Variants in EXT1 observed in about 807,000 individuals in gnomAD.
The protein encoded by EXT1 is exostosin-1.
EXT1 carries 20 observed loss-of-function variants against 82.5 expected under a neutral mutation model. The observed-to-expected ratio is 0.24, with a 90% CI of 0.17 to 0.35. The LOEUF is 0.35. Among genes scored for constraint, EXT1 ranks in the 10% least tolerant of loss-of-function variants. The probability of loss-of-function intolerance (pLI) is 1.00; values close to 1 mark genes in which losing one functional copy is unlikely to be tolerated. For synonymous variants in EXT1, 348 were observed against 350.8 expected, an observed-to-expected ratio of 0.99 and a Z score of 0.09; for missense variants, 757 against 936.5, an observed-to-expected ratio of 0.81 and a Z score of 2.50.
At chr8:117,902,522 T>C (rs1370150839) in intron 1 of EXT1, among the ~76,000 whole-genome samples, 2 of 152,228 alleles carry the variant, frequency 1.3e-5, no homozygotes, top group Admixed American at 6.5e-5. Context: ...CTCAGTTCCA[T>C]TAAGATCTTA....
At chr8:117,880,594 C>CTTTT (rs58814828) in intron 1 of EXT1, among the ~76,000 whole-genome samples, 2 of 142,554 alleles carry the variant, frequency 1.4e-5, no homozygotes, top group African/African-American at 2.6e-5. Flanking sequence ...CCTCTTTTTT[C>CTTTT]TTTTTTTTTT....
At chr8:117,833,599 A>G (rs555381382) in intron 3 of EXT1, among the ~76,000 whole-genome samples, 2 of 151,894 alleles carry the variant, frequency 1.3e-5, no homozygotes, top group Non-Finnish European at 2.9e-5. Flanking sequence ...TGAGTGACAG[A>G]GCGAGACTCC....
chr8:117,901,876 T>G (rs1248637888), intron 1 of EXT1, among the ~76,000 whole-genome samples: 1 of 152,124 alleles, frequency 6.6e-6, no homozygotes, highest in Non-Finnish European at 1.5e-5. Context: ...TTTTGCATTT[T>G]TGATACAGAT....
At chr8:118,108,045 A>G (rs1023719725) in intron 1 of EXT1, among the ~76,000 whole-genome samples, 3 of 152,234 alleles carry the variant, frequency 2.0e-5, no homozygotes, top group Non-Finnish European at 2.9e-5. Flanking sequence ...TGTGGGTGTC[A>G]TATTTCTTGG....
At position 118,110,317 on chromosome 8, in the gene EXT1, T is replaced by C; in HGVS notation, c.730A>G (p.Thr244Ala). 1 of 1,614,148 alleles carries C rather than the reference T, an allele frequency of 6.2e-7. No individual in the cohort carries two copies. Among genetic ancestry groups the C allele is most frequent in the Non-Finnish European group, 8.5e-7 (1 of 1,180,032 alleles). ...IPLFSKDHPRTGGERGFLKFN... is the reference protein window; with the variant it reads ...IPLFSKDHPRAGGERGFLKFN... ...TTCAAAAACCCCCTCTCCCCTCCTGTCCTGGGATGATCCTTAGAAAAGAGG... is the reference window on the plus strand; with the variant it reads ...TTCAAAAACCCCCTCTCCCCTCCTGCCCTGGGATGATCCTTAGAAAAGAGG... Residue 244 changes from threonine (T) to alanine (A), a missense_variant, in exon 1 of 11, where the codon ACA (threonine) becomes GCA (alanine). By Grantham distance (58) the Thr-to-Ala change is moderately conservative. Coordinates refer to ENST00000378204, the MANE Select transcript of EXT1 (RefSeq NM_000127.3).
intron 1 of EXT1, among the ~76,000 whole-genome samples, chr8:118,107,401 C>T (rs1817819925): frequency 1.3e-5 from 2 of 152,158 alleles, no homozygotes; most frequent in Non-Finnish European, 2.9e-5. Context: ...ACCCACTCTG[C>T]AAAACCCAAA....
At chr8:118,099,164 A>AG (rs1817673109) in intron 1 of EXT1, among the ~76,000 whole-genome samples, 1 of 152,244 alleles carries the variant, frequency 6.6e-6, no homozygotes, top group Admixed American at 6.5e-5. Flanking sequence ...GGTGACAGGC[A>AG]GGGCAGTAGG....
chr8:118,007,737 T>C (rs1438682772), intron 1 of EXT1, among the ~76,000 whole-genome samples: 1 of 152,120 alleles, frequency 6.6e-6, no homozygotes, highest in Non-Finnish European at 1.5e-5. Flanking sequence ...AAATCTTGTT[T>C]GGGAAGATAA....
rs147592648 is a variant in EXT1, at chr8:118,080,030, T to C, written c.962+30055A>G. Among the ~76,000 whole-genome samples the C allele has an allele frequency of 2.0e-5, 3 of 152,336 alleles. No individual in the cohort carries two copies. The East Asian group carries it at 5.8e-4, about 29-fold the overall frequency. On this transcript the variant is annotated intron_variant, in intron 1 of 10. Transcript: ENST00000378204. ...TCCCTAATGCCTCCAGGCACCCTGC[T>C]AGGCACTGGTTGAAAAGGCAAAAGT...
chr8:117,826,880 C>T (rs1416886067), intron 4 of EXT1, among the ~76,000 whole-genome samples: 2 of 152,106 alleles, frequency 1.3e-5, no homozygotes, highest in Non-Finnish European at 2.9e-5. Context: ...ATGAAAACAG[C>T]TTGATCTTAT....
At chr8:118,002,788 T>C (rs1333057212) in intron 1 of EXT1, among the ~76,000 whole-genome samples, 2 of 152,034 alleles carry the variant, frequency 1.3e-5, no homozygotes, top group East Asian at 3.9e-4. Context: ...CGCCTCAGCC[T>C]CCCAAAGTGC....
intron 1 of EXT1, among the ~76,000 whole-genome samples, chr8:117,916,997 A>G (rs1229720582): frequency 6.6e-6 from 1 of 152,208 alleles, no homozygotes; most frequent in Non-Finnish European, 1.5e-5. Context: ...GAAGAAACAT[A>G]TAGGTAATTG....
intron 1 of EXT1, among the ~76,000 whole-genome samples, chr8:117,842,692 TG>T (rs1812291661): frequency 6.6e-6 from 1 of 152,136 alleles, no homozygotes; most frequent in Admixed American, 6.5e-5. Context: ...AAGAGACAAA[TG>T]TGGAACAGAC....
intron 1 of EXT1, among the ~76,000 whole-genome samples, chr8:117,951,355 A>G (rs959482396): frequency 6.6e-6 from 1 of 152,232 alleles, no homozygotes; most frequent in Admixed American, 6.5e-5. Context: ...TCTCACAGCA[A>G]ATGGGATAAT....
At chr8:117,840,100 C>T (rs577210341) in intron 1 of EXT1, among the ~76,000 whole-genome samples, 1 of 152,242 alleles carries the variant, frequency 6.6e-6, no homozygotes, top group East Asian at 1.9e-4. Context: ...TGAGAATTGT[C>T]CTAAGGGGAT....
intron 7 of EXT1, among the ~76,000 whole-genome samples, chr8:117,814,435 T>C (rs1477018703): frequency 6.6e-6 from 1 of 152,142 alleles, no homozygotes; most frequent in African/African-American, 2.4e-5. Flanking sequence ...TGCCAGGATA[T>C]GTTGCAAGTC....
chr8:117,984,668 T>C (rs1815278701), intron 1 of EXT1, among the ~76,000 whole-genome samples: 1 of 152,056 alleles, frequency 6.6e-6, no homozygotes, highest in Non-Finnish European at 1.5e-5. Flanking sequence ...GTGGATTTTT[T>C]CCTTGTGTAG....
At chr8:117,985,854 G>C (rs1161102140) in intron 1 of EXT1, among the ~76,000 whole-genome samples, 2 of 152,146 alleles carry the variant, frequency 1.3e-5, no homozygotes, top group African/African-American at 4.8e-5. Flanking sequence ...AATCTGAAAT[G>C]TTAAAGTGAC....
chr8:117,817,640 G>C (rs1231194335), intron 7 of EXT1, among the ~76,000 whole-genome samples: 1 of 152,114 alleles, frequency 6.6e-6, no homozygotes, highest in African/African-American at 2.4e-5. Context: ...ATGAGTTGAG[G>C]GGTGGTCAAG....
Sources: gnomAD v4.1 joint callset for allele counts (sites outside exome capture counted in the v4.1 genomes callset) on GRCh38, gnomAD v4.1.1 for gene constraint, MANE v1.5 for transcripts, NCBI Gene and HGNC (gene_info 2026-07-23, HGNC 2026-07-21) for gene names.